WLS: variants seen among roughly 807,000 people sequenced by gnomAD.
WLS encodes Wnt ligand secretion mediator, also known as protein wntless homolog.
Under a neutral mutation model 62.8 loss-of-function variants are expected in WLS, and 23 were observed. The ratio of observed to expected loss-of-function variants is 0.37; its 90% CI spans 0.26 to 0.52. WLS has a LOEUF of 0.52. Among genes scored for constraint, WLS ranks in the 20% least tolerant of loss-of-function variants. WLS has a pLI of 0.92. For synonymous variants in WLS, 246 were observed against 244.1 expected, an observed-to-expected ratio of 1.01 and a Z score of -0.07; for missense variants, 615 against 697.3, an observed-to-expected ratio of 0.88 and a Z score of 1.33.
chr1:68,181,375 G>A (rs763935068), intron 2 of WLS, among the ~76,000 whole-genome samples: 2 of 152,192 alleles, frequency 1.3e-5, no homozygotes, highest in Non-Finnish European at 2.9e-5. Flanking sequence ...TTGTATGGAT[G>A]CAAAGAGAAT....
chr1:68,227,761 T>A (rs889796760), intron 1 of WLS, among the ~76,000 whole-genome samples: 1 of 152,158 alleles, frequency 6.6e-6, no homozygotes, highest in Non-Finnish European at 1.5e-5. Context: ...TTGTCAAGAT[T>A]CTTGTCAAGA....
intron 2 of WLS, among the ~76,000 whole-genome samples, chr1:68,193,412 A>C (rs1648460559): frequency 1.1e-5 from 1 of 93,628 alleles, no homozygotes; most frequent in Non-Finnish European, 2.1e-5. Context: ...AAAAAAAAAA[A>C]AAAAAAAAAA....
At chr1:68,177,407 A>G (rs1472567633) in intron 2 of WLS, among the ~76,000 whole-genome samples, 1 of 152,240 alleles carries the variant, frequency 6.6e-6, no homozygotes, top group East Asian at 1.9e-4. Flanking sequence ...GCTAACATCC[A>G]TGGACGGGGT....
chr1:68,132,050 A>G (rs767282273), intron 11 of WLS, among the ~76,000 whole-genome samples: 94 of 152,192 alleles, frequency 6.2e-4, no homozygotes, highest in Admixed American at 1.9e-3. Flanking sequence ...ACATTTAGGA[A>G]GCCGAAGGTT....
At chr1:68,230,069 A>G (rs928768282) in intron 1 of WLS, among the ~76,000 whole-genome samples, 18 of 152,138 alleles carry the variant, frequency 1.2e-4, no homozygotes, top group African/African-American at 4.3e-4. Flanking sequence ...TCCAATGTCC[A>G]CCAGCCACTC....
At position 68,136,802 on chromosome 1, in the gene WLS, C is replaced by T. The variant is rs1346484867; in HGVS notation, c.1516+978G>A. On this transcript the variant is annotated intron_variant, in intron 11 of 11. Transcript: ENST00000262348. The stretch of plus-strand genomic sequence containing the variant: ...CCAGATGGAGGCAGAATGTGCAATC[C>T]ACTCATGCAACACACACTCACTGAG... 1.2e-4 allele frequency among the ~76,000 whole-genome samples: 18 copies of T among 152,270 alleles called. No individual in the cohort carries two copies. In the East Asian group the frequency reaches 3.3e-3, roughly 28 times the overall value.
intron 2 of WLS, among the ~76,000 whole-genome samples, chr1:68,179,377 C>T (rs903073590): frequency 6.6e-6 from 1 of 152,094 alleles, no homozygotes; most frequent in Non-Finnish European, 1.5e-5. Flanking sequence ...TCAATAGACT[C>T]ATGGTGGGAT....
chr1:68,098,661 T>C, exon 12 of WLS: 2 of 1,614,032 alleles, frequency 1.2e-6, no homozygotes, highest in Non-Finnish European at 1.7e-6. Context: ...TTGTCATTGA[T>C]GAAGGAATAT....
At chr1:68,160,071 C>CTTTTTTTTTT in intron 2 of WLS, among the ~76,000 whole-genome samples, 1 of 93,574 alleles carries the variant, frequency 1.1e-5, no homozygotes, top group African/African-American at 3.8e-5. Flanking sequence ...GCAGAGAAGT[C>CTTTTTTTTTT]TTTTTTTTTT....
At chr1:68,214,210 C>CACACA (rs398049345) in intron 1 of WLS, among the ~76,000 whole-genome samples, 3 of 151,124 alleles carry the variant, frequency 2.0e-5, no homozygotes, top group South Asian at 2.1e-4. Flanking sequence ...CACACACACA[C>CACACA]CCCATTTCCA....
intron 2 of WLS, among the ~76,000 whole-genome samples, chr1:68,159,917 T>C (rs1646949285): frequency 6.6e-6 from 1 of 152,184 alleles, no homozygotes; most frequent in South Asian, 2.1e-4. Flanking sequence ...ATTGCACAAA[T>C]GAATGTTCAC....
intron 10 of WLS, among the ~76,000 whole-genome samples, chr1:68,140,232 G>T (rs1646666986): frequency 6.6e-6 from 1 of 152,180 alleles, no homozygotes; most frequent in Non-Finnish European, 1.5e-5. Flanking sequence ...AGAAAGCCAT[G>T]GCTCTGACTC....
downstream of WLS, among the ~76,000 whole-genome samples, chr1:68,122,843 A>T (rs2100364535): frequency 6.6e-6 from 1 of 152,312 alleles, no homozygotes; most frequent in Non-Finnish European, 1.5e-5. Context: ...TCGGTGGAGA[A>T]GGCAGAACAG....
intron 2 of WLS, among the ~76,000 whole-genome samples, chr1:68,169,771 T>C (rs1420414593): frequency 6.6e-6 from 1 of 152,238 alleles, no homozygotes; most frequent in Non-Finnish European, 1.5e-5. Flanking sequence ...TCAATGCCTT[T>C]ATATTGTCTT....
intron 1 of WLS, 27 bp downstream of exon 1, chr1:68,232,167 G>A: frequency 6.2e-7 from 1 of 1,613,720 alleles, no homozygotes; most frequent in Non-Finnish European, 8.5e-7. Context: ...CAGAAAGGGG[G>A]AAAAGTTTGC....
chr1:68,112,101 C>A (rs1010787846), intron 11 of WLS, among the ~76,000 whole-genome samples: 1 of 152,208 alleles, frequency 6.6e-6, no homozygotes, highest in Non-Finnish European at 1.5e-5. Flanking sequence ...TGGCTTGAGC[C>A]AACTGGGTCA....
At chr1:68,143,798 C>T (rs1400395461) in intron 10 of WLS, among the ~76,000 whole-genome samples, 1 of 152,182 alleles carries the variant, frequency 6.6e-6, no homozygotes, top group Non-Finnish European at 1.5e-5. Context: ...ATTACAGCAA[C>T]CTTCTGTGGT....
intron 8 of WLS, 79 bp downstream of exon 8, chr1:68,148,057 G>A (rs572238501): frequency 1.1e-5 from 17 of 1,482,288 alleles, no homozygotes; most frequent in Middle Eastern, 3.5e-4. Context: ...GGGAGCATCA[G>A]CAGAGCCTTA....
intron 11 of WLS, chr1:68,100,868 A>G (rs898165178): frequency 6.6e-6 from 1 of 152,232 alleles, no homozygotes; most frequent in African/African-American, 2.4e-5. Context: ...TTAAACAAGC[A>G]CTGATAAGTC....
Sources: allele counts gnomAD v4.1 joint callset (sites outside exome capture counted in the v4.1 genomes callset), GRCh38; gene constraint gnomAD v4.1.1; transcripts MANE v1.5; gene names NCBI Gene and HGNC (gene_info 2026-07-23, HGNC 2026-07-21).